Variants in SMIM14 observed in about 807,000 individuals in gnomAD.
SMIM14 encodes the protein small integral membrane protein 14.
In SMIM14, 5 loss-of-function variants were observed where a neutral mutation model predicts 12.6. The ratio of observed to expected loss-of-function variants is 0.40; its 90% CI spans 0.21 to 0.83. The LOEUF is 0.83. Among genes scored for constraint, SMIM14 ranks in the 40% least tolerant of loss-of-function variants. The pLI, the probability that SMIM14 is intolerant of heterozygous loss-of-function variation, is 0.37. For synonymous variants in SMIM14, 30 were observed against 40.1 expected (o/e 0.75, Z 0.95); for missense variants, 86 against 119.1 (o/e 0.72, Z 1.29).
chr4:39,608,134 G>A (rs1425843433), intron 1 of SMIM14, among the ~76,000 whole-genome samples: 1 of 152,112 alleles, frequency 6.6e-6, no homozygotes, highest in Non-Finnish European at 1.5e-5. Context: ...ATTATCATAA[G>A]ACTCAACAAT....
chr4:39,584,934 A>G (rs1713715163), intron 2 of SMIM14, among the ~76,000 whole-genome samples: 1 of 151,942 alleles, frequency 6.6e-6, no homozygotes, highest in Admixed American at 6.6e-5. Flanking sequence ...ATGCAGGTTG[A>G]GCAACCACTC....
intron 4 of SMIM14, among the ~76,000 whole-genome samples, chr4:39,554,654 CTT>C (rs111326390): frequency 0.067 from 6,397 of 95,096 alleles, 553 homozygotes; most frequent in African/African-American, 0.23. Flanking sequence ...GGAAATTTTC[CTT>C]TTTTTTTTTT....
At position 39,587,098 on chromosome 4, in the gene SMIM14, G is replaced by C. The variant is rs536836576; in HGVS notation, c.76-14635C>G. Among the ~76,000 whole-genome samples the C allele has an allele frequency of 2.0e-5, 3 of 152,020 alleles. No individual in the cohort carries two copies. In the South Asian group the frequency reaches 6.2e-4, roughly 32 times the overall value. The stretch of plus-strand genomic sequence containing the variant: ...TTAGGGAATTCAACATATGAATTTT[G>C]GGGGGAAGGTACACAAACATTTAGT... On this transcript the variant is annotated intron_variant, in intron 2 of 4. Coordinates refer to ENST00000295958, the MANE Select transcript of SMIM14 (RefSeq NM_174921.3).
intron 3 of SMIM14, among the ~76,000 whole-genome samples, chr4:39,568,827 T>C (rs908491910): frequency 6.6e-5 from 10 of 152,258 alleles, no homozygotes; most frequent in South Asian, 6.2e-4. Context: ...TGTTTAACCA[T>C]TTAAAAGCCT....
intron 2 of SMIM14, among the ~76,000 whole-genome samples, chr4:39,595,321 G>T (rs1423801375): frequency 7.0e-6 from 1 of 143,688 alleles, no homozygotes; most frequent in African/African-American, 2.6e-5. Context: ...ACCAAACACC[G>T]CATATTCTCA....
chr4:39,595,166 G>A (rs11934510), intron 2 of SMIM14, among the ~76,000 whole-genome samples: 103,652 of 139,720 alleles, frequency 0.74, 39,352 homozygotes, highest in Middle Eastern at 0.86. Flanking sequence ...AATGTCCAAC[G>A]ATGATAGACT....
chr4:39,565,251 G>T (rs1050192150), intron 3 of SMIM14, among the ~76,000 whole-genome samples: 2 of 152,112 alleles, frequency 1.3e-5, no homozygotes, highest in African/African-American at 4.8e-5. Context: ...AATCAAAAGA[G>T]TAACAGGATT....
intron 1 of SMIM14, among the ~76,000 whole-genome samples, chr4:39,622,566 A>G (rs761305207): frequency 3.9e-5 from 6 of 151,994 alleles, no homozygotes; most frequent in Non-Finnish European, 7.4e-5. Context: ...ACACCCAGCT[A>G]ATTTTTTTAT....
At chr4:39,598,947 T>C (rs1483079866) in intron 2 of SMIM14, among the ~76,000 whole-genome samples, 1 of 152,166 alleles carries the variant, frequency 6.6e-6, no homozygotes, top group Non-Finnish European at 1.5e-5. Flanking sequence ...GAAGGTACTT[T>C]GTTTCTCGTA....
chr4:39,573,721 A>T (rs2110009865), intron 2 of SMIM14, among the ~76,000 whole-genome samples: 1 of 152,284 alleles, frequency 6.6e-6, no homozygotes, highest in African/African-American at 2.4e-5. Context: ...ACCAGATTCT[A>T]TTTGTAGAAA....
chr4:39,610,965 A>G (rs1332303305), intron 1 of SMIM14, among the ~76,000 whole-genome samples: 1 of 152,160 alleles, frequency 6.6e-6, no homozygotes, highest in Non-Finnish European at 1.5e-5. Context: ...AACCAAAACC[A>G]ATAAAAGTTT....
chr4:39,626,276 T>C (rs1715695626), intron 1 of SMIM14, among the ~76,000 whole-genome samples: 1 of 151,898 alleles, frequency 6.6e-6, no homozygotes, highest in Admixed American at 6.6e-5. Context: ...GCAAAAAAGG[T>C]TGGGGACCAC....
intron 1 of SMIM14, among the ~76,000 whole-genome samples, chr4:39,625,722 C>A (rs1336951615): frequency 6.6e-6 from 1 of 152,228 alleles, no homozygotes; most frequent in African/African-American, 2.4e-5. Flanking sequence ...TGAGCCACTG[C>A]ACCCAGCCAA....
chr4:39,587,621 T>A (rs1713851886), intron 2 of SMIM14, among the ~76,000 whole-genome samples: 1 of 149,480 alleles, frequency 6.7e-6, no homozygotes, highest in Non-Finnish European at 1.5e-5. Flanking sequence ...AGAGGTGAAA[T>A]CTGGCCAGAC....
chr4:39,626,894 T>C (rs1181909623), intron 1 of SMIM14, among the ~76,000 whole-genome samples: 2 of 152,224 alleles, frequency 1.3e-5, no homozygotes, highest in Admixed American at 1.3e-4. Context: ...ACCATTTTTC[T>C]AGAAATTCTC....
At chr4:39,620,910 C>T (rs1437686020) in intron 1 of SMIM14, 1 of 152,156 alleles carries the variant, frequency 6.6e-6, no homozygotes, top group Non-Finnish European at 1.5e-5. Context: ...TGAACAAATT[C>T]ACCTCAAAAT....
intron 2 of SMIM14, among the ~76,000 whole-genome samples, chr4:39,582,042 T>C (rs1713534788): frequency 6.6e-6 from 1 of 152,012 alleles, no homozygotes; most frequent in Non-Finnish European, 1.5e-5. Flanking sequence ...CAGCTAGTTT[T>C]GTGTTTTTAG....
chr4:39,584,498 A>AAAAAAAAAAAAAAAAAAAAAAAAAAAC (rs1713680542), intron 2 of SMIM14, among the ~76,000 whole-genome samples: 1 of 142,238 alleles, frequency 7.0e-6, no homozygotes. Flanking sequence ...AAAAAAAAAA[A>AAAAAAAAAAAAAAAAAAAAAAAAAAAC]AAAAAAAGAC....
chr4:39,614,634 T>C (rs1319350656), intron 1 of SMIM14, among the ~76,000 whole-genome samples: 1 of 152,188 alleles, frequency 6.6e-6, no homozygotes, highest in African/African-American at 2.4e-5. Context: ...TATGCTACTT[T>C]TTAAAAATAT....
Sources: allele counts gnomAD v4.1 joint callset (sites outside exome capture counted in the v4.1 genomes callset), GRCh38; gene constraint gnomAD v4.1.1; transcripts MANE v1.5; gene names NCBI Gene and HGNC (gene_info 2026-07-23, HGNC 2026-07-21).